DIP2C: variants seen among roughly 807,000 people sequenced by gnomAD.
The protein encoded by DIP2C is disco-interacting protein 2 homolog C.
A neutral mutation model predicts 192.4 loss-of-function variants in DIP2C; 33 were observed. The ratio of observed to expected loss-of-function variants is 0.17; its 90% confidence interval spans 0.13 to 0.23. The LOEUF (loss-of-function observed/expected upper bound fraction) is 0.23, where lower values mean the gene tolerates loss of function less well. DIP2C is among the 10% of genes least tolerant of loss of function. The pLI, the probability that DIP2C is intolerant of heterozygous loss-of-function variation, is 1.00. For synonymous variants in DIP2C, 979 were observed against 864.1 expected, an observed-to-expected ratio of 1.13 and a Z score of -2.33; for missense variants, 1,537 against 2,110.1, an observed-to-expected ratio of 0.73 and a Z score of 5.32.
At chr10:339,121 A>AGG (rs1411263319) in intron 29 of DIP2C, among the ~76,000 whole-genome samples, 1 of 151,894 alleles carries the variant, frequency 6.6e-6, no homozygotes, top group Admixed American at 6.6e-5. Context: ...TTACACCCCC[A>AGG]GGGCCTCTTC....
chr10:529,991 G>A (rs866910638), intron 1 of DIP2C, among the ~76,000 whole-genome samples: 1 of 152,224 alleles, frequency 6.6e-6, no homozygotes, highest in Non-Finnish European at 1.5e-5. Context: ...CAGGCCATCT[G>A]CCTGGACGTC....
chr10:398,312 A>G (rs545342394), intron 10 of DIP2C, among the ~76,000 whole-genome samples: 1 of 152,262 alleles, frequency 6.6e-6, no homozygotes, highest in South Asian at 2.1e-4. Context: ...CCCGAACCCT[A>G]AGACACTGGC....
intron 1 of DIP2C, among the ~76,000 whole-genome samples, chr10:672,087 A>T (rs1329469743): frequency 2.0e-5 from 3 of 150,034 alleles, no homozygotes; most frequent in Non-Finnish European, 4.4e-5. Context: ...AGACGCACGG[A>T]CGGAGTAAAC....
chr10:329,633 AGCTC>A (rs1957414711), intron 29 of DIP2C, 32 bp from the exon 30 acceptor site: 11 of 439,698 alleles, frequency 2.5e-5, no homozygotes, highest in African/African-American at 2.1e-4. Context: ...TCAGGGCGGG[AGCTC>A]AGCAAGGCTG....
At chr10:448,293 A>T (rs1179578824) in intron 3 of DIP2C, among the ~76,000 whole-genome samples, 1 of 131,178 alleles carries the variant, frequency 7.6e-6, no homozygotes, top group Non-Finnish European at 1.5e-5. Context: ...GATCACACAC[A>T]GTGGGTCAGC....
At chr10:599,907 G>C (rs1588562538) in intron 1 of DIP2C, among the ~76,000 whole-genome samples, 1 of 152,180 alleles carries the variant, frequency 6.6e-6, no homozygotes, top group Non-Finnish European at 1.5e-5. Flanking sequence ...TGTGGGACAG[G>C]GGGAGCTCAT....
chr10:617,555 C>G (rs1382940027), intron 1 of DIP2C, among the ~76,000 whole-genome samples: 1 of 152,044 alleles, frequency 6.6e-6, no homozygotes, highest in Non-Finnish European at 1.5e-5. Flanking sequence ...GGTGTGTCCT[C>G]TATTCCCACT....
intron 1 of DIP2C, among the ~76,000 whole-genome samples, chr10:621,389 CG>C (rs1853838280): frequency 6.6e-6 from 1 of 150,516 alleles, no homozygotes. Context: ...ACACCACCCC[CG>C]GGGTGCACAC....
chr10:481,343 T>C (rs1219652333), intron 2 of DIP2C, among the ~76,000 whole-genome samples: 2 of 152,168 alleles, frequency 1.3e-5, no homozygotes, highest in Non-Finnish European at 2.9e-5. Context: ...AGGGACCTCC[T>C]CCCTCACAAC....
At chr10:329,639 G>T (rs778989171) in intron 29 of DIP2C, 38 bp from the exon 30 acceptor site, 3 of 432,470 alleles carry the variant, frequency 6.9e-6, no homozygotes, top group South Asian at 6.1e-5. Flanking sequence ...CGGGAGCTCA[G>T]CAAGGCTGGA....
chr10:431,094 C>G (rs1055069800), intron 4 of DIP2C, among the ~76,000 whole-genome samples: 2 of 152,222 alleles, frequency 1.3e-5, no homozygotes, highest in African/African-American at 2.4e-5. Flanking sequence ...CAATACCACA[C>G]TGTCTGGATT....
intron 32 of DIP2C, among the ~76,000 whole-genome samples, chr10:306,555 C>A (rs1010278546): frequency 6.6e-5 from 10 of 152,210 alleles, no homozygotes; most frequent in Admixed American, 3.9e-4. Context: ...AGTAATTAAT[C>A]CTGTGACAGA....
At chr10:403,658 T>G (rs1165423522) in intron 9 of DIP2C, among the ~76,000 whole-genome samples, 6 of 141,928 alleles carry the variant, frequency 4.2e-5, no homozygotes, top group African/African-American at 1.6e-4. Flanking sequence ...GTTTGGTATG[T>G]GTTCATCAGC....
At chr10:558,915 C>T (rs1397257642) in intron 1 of DIP2C, among the ~76,000 whole-genome samples, 2 of 152,060 alleles carry the variant, frequency 1.3e-5, no homozygotes, top group Non-Finnish European at 2.9e-5. Context: ...CCAGACACCA[C>T]GGACCACCCG....
intron 5 of DIP2C, among the ~76,000 whole-genome samples, chr10:421,933 C>T (rs552707456): frequency 6.6e-6 from 1 of 152,304 alleles, no homozygotes; most frequent in Admixed American, 6.5e-5. Context: ...CAATCCAAAA[C>T]GCCTCTGAGC....
intron 1 of DIP2C, among the ~76,000 whole-genome samples, chr10:619,541 G>GCCCGCCCGCCCACCCGCCCA: frequency 1.5e-4 from 10 of 67,962 alleles, no homozygotes; most frequent in African/African-American, 3.4e-4. Flanking sequence ...CCGCCCGCCC[G>GCCCGCCCGCCCACCCGCCCA]CCCTCCCACC....
intron 35 of DIP2C, among the ~76,000 whole-genome samples, chr10:281,736 A>C (rs1482822561): frequency 3.9e-5 from 6 of 152,258 alleles, no homozygotes; most frequent in African/African-American, 9.6e-5. Flanking sequence ...AGCCACAGTC[A>C]GACCAGCTCT....
At chr10:438,584 G>A (rs962927484) in intron 4 of DIP2C, among the ~76,000 whole-genome samples, 1 of 151,634 alleles carries the variant, frequency 6.6e-6, no homozygotes, top group Non-Finnish European at 1.5e-5. Flanking sequence ...CAGCCTCCTT[G>A]GGCCCAAGTG....
intron 28 of DIP2C, among the ~76,000 whole-genome samples, chr10:342,901 G>T (rs942758297): frequency 6.6e-6 from 1 of 152,194 alleles, no homozygotes; most frequent in Non-Finnish European, 1.5e-5. Flanking sequence ...ATATTAATAA[G>T]ATCAATTTTC....
Sources: gnomAD v4.1 joint callset for allele counts (sites outside exome capture counted in the v4.1 genomes callset) on GRCh38, gnomAD v4.1.1 for gene constraint, MANE v1.5 for transcripts, NCBI Gene and HGNC (gene_info 2026-07-23, HGNC 2026-07-21) for gene names.